Variants in HSCB observed in about 807,000 individuals in gnomAD.
The protein encoded by HSCB is HscB mitochondrial iron-sulfur cluster cochaperone, also known as iron-sulfur cluster co-chaperone protein HscB.
HSCB carries 23 observed loss-of-function variants against 31.3 expected under a neutral mutation model. That is an observed-to-expected ratio of 0.74 (90% CI 0.53 to 1.04). HSCB has a LOEUF of 1.04. HSCB is among the 50% of genes least tolerant of loss of function. The probability of loss-of-function intolerance (pLI) is 0.00; values close to 1 mark genes in which losing one functional copy is unlikely to be tolerated. For synonymous variants in HSCB, 110 were observed against 104.5 expected (o/e 1.05, Z -0.32); for missense variants, 297 against 288.1 (o/e 1.03, Z -0.22).
At chr22:28,755,700 A>C (rs186903388) in intron 5 of HSCB, among the ~76,000 whole-genome samples, 1 of 152,302 alleles carries the variant, frequency 6.6e-6, no homozygotes, top group Admixed American at 6.5e-5. Context: ...TGGTTATAAC[A>C]TATCTTCATT....
In HSCB at chr22:28,746,878, G is replaced by A. The variant is rs547114735; in HGVS notation, c.568+870G>A. On this transcript the variant is annotated intron_variant, in intron 4 of 5. Coordinates refer to ENST00000216027, the MANE Select transcript of HSCB (RefSeq NM_172002.5). ...CGTGCCACTGCATTATAGCCTGGAC[G>A]ACAGAGTGAGACTCCGTCTCAAAAA... is the stretch of plus-strand genomic sequence containing the variant. Among the ~76,000 whole-genome samples, 6 of 147,430 alleles carry A rather than the reference G, an allele frequency of 4.1e-5. No individual in the cohort carries two copies. The East Asian group carries it at 1.0e-3, about 26-fold the overall frequency.
chr22:28,750,945 C>CTTTTTTTTTTTTGTTTTTTTTT (rs2030190489), intron 4 of HSCB, among the ~76,000 whole-genome samples: 1 of 56,450 alleles, frequency 1.8e-5, no homozygotes, highest in African/African-American at 6.7e-5. Flanking sequence ...ATATCTTTGT[C>CTTTTTTTTTTTTGTTTTTTTTT]TTTTTTTTTT....
chr22:28,757,347 T>C lies in HSCB; in HGVS notation c.*178T>C. 3 of 440,014 alleles carry C rather than the reference T, an allele frequency of 6.8e-6. No individual in the cohort carries two copies. The highest frequency in any genetic ancestry group is 6.4e-5 in the South Asian group (3 of 46,540). 27.3% of individuals were successfully genotyped at this position (440,014 alleles called of 1,614,324 possible). A position where few individuals can be genotyped will look rare whatever the true frequency, so the allele number is the denominator to read the frequency against. On this transcript the variant is annotated 3_prime_UTR_variant, in exon 6 of 6. Coordinates refer to ENST00000216027, the MANE Select transcript of HSCB (RefSeq NM_172002.5). Reference sequence around the variant, plus strand: ...TGAAAATACAAAAATTAGCCGGGCATGGTGGCGCGTGCCTGTAATCCCAGC... The same window carrying C: ...TGAAAATACAAAAATTAGCCGGGCACGGTGGCGCGTGCCTGTAATCCCAGC...
At chr22:28,754,402 G>A (rs559403498) in intron 5 of HSCB, among the ~76,000 whole-genome samples, 3 of 152,160 alleles carry the variant, frequency 2.0e-5, no homozygotes, top group South Asian at 4.1e-4. Flanking sequence ...AGGCACGGTG[G>A]CTCCCACCTG....
Position 28,743,944 on chromosome 22 carries a change from T to G in HSCB, c.299T>G (p.Leu100Arg), listed in dbSNP as rs1335488552. 2 of 1,614,214 alleles carry G rather than the reference T, an allele frequency of 1.2e-6. No individual in the cohort carries two copies. Among genetic ancestry groups the G allele is most frequent in the East Asian group, 4.5e-5 (2 of 44,890 alleles). ...CACAGGTACCAGCAACTGCAGCGTC[T>G]TGTCCACCCAGATTTCTTCAGCCAG... ...LQHRYQQLQRLVHPDFFSQRS... is the reference protein window; with the variant it reads ...LQHRYQQLQRRVHPDFFSQRS... The change falls in exon 2 of 6, where the codon CTT (leucine) becomes CGT (arginine). Residue 100 changes from leucine to arginine, a missense_variant. By Grantham distance (102) the Leu-to-Arg change is moderately radical. Transcript: ENST00000216027.
At chr22:28,755,457 C>A (rs961833525) in intron 5 of HSCB, among the ~76,000 whole-genome samples, 2 of 151,950 alleles carry the variant, frequency 1.3e-5, no homozygotes, top group African/African-American at 2.4e-5. Context: ...GAAATACGAC[C>A]AAGGCCTTCC....
At position 28,742,327 on chromosome 22, in the gene HSCB, G is replaced by C; in HGVS notation, c.232G>C (p.Asp78His). 6.2e-7 allele frequency: 1 copy of C among 1,611,790 alleles called. No homozygotes were observed. Among genetic ancestry groups the C allele is most frequent in the Non-Finnish European group, 8.5e-7 (1 of 1,178,166 alleles). ...CACTCGAGACTACTTCAGCCTTATG[G>C]ACTGGTACGAGCGACGGTTTCGGGA... ...DPTRDYFSLM[D>H]CNRSFRVDTA... The change falls in exon 1 of 6, where the codon GAC becomes CAC. Residue 78 changes from aspartate to histidine, a missense_variant. Physicochemically the swap from Asp to His is moderately conservative, Grantham distance 81. Transcript: ENST00000216027.
chr22:28,743,939 G>A lies in HSCB; in HGVS notation c.294G>A (p.Gln98=), dbSNP rs375684511. 6.2e-7 allele frequency: 1 copy of A among 1,614,190 alleles called. No homozygotes were observed. Among genetic ancestry groups the A allele is most frequent in the Non-Finnish European group, 8.5e-7 (1 of 1,180,020 alleles). Residue 98 remains glutamine (Q), a synonymous_variant, in exon 2 of 6, where the codon CAG becomes CAA. Coordinates refer to ENST00000216027, the MANE Select transcript of HSCB (RefSeq NM_172002.5). ...TCCAGCACAGGTACCAGCAACTGCAGCGTCTTGTCCACCCAGATTTCTTCA... is the reference window on the plus strand; with the variant it reads ...TCCAGCACAGGTACCAGCAACTGCAACGTCTTGTCCACCCAGATTTCTTCA... ...AKLQHRYQQL[Q]RLVHPDFFSQ...
At chr22:28,742,525 AC>A (rs753440390) in intron 1 of HSCB, 194 bp downstream of exon 1, 1 of 976,706 alleles carries the variant, frequency 1.0e-6, no homozygotes. Flanking sequence ...GAGGGAAGCA[AC>A]GTTGAGGTGT....
chr22:28,746,155 TG>T, intron 4 of HSCB, 147 bp downstream of exon 4: 1 of 643,026 alleles, frequency 1.6e-6, no homozygotes, highest in South Asian at 2.3e-5. Flanking sequence ...CCAAGGCAAG[TG>T]GATCACCTGA....
In HSCB at chr22:28,743,997, C is replaced by G; in HGVS notation, c.333+19C>G. 6.5e-7 allele frequency: 1 copy of G among 1,527,934 alleles called. No homozygotes were observed. Among genetic ancestry groups the G allele is most frequent in the African/African-American group, 1.4e-5 (1 of 73,318 alleles). 94.6% of individuals were successfully genotyped at this position (1,527,934 alleles called of 1,614,324 possible). A position where few individuals can be genotyped will look rare whatever the true frequency, so the allele number is the denominator to read the frequency against. On this transcript the variant is annotated intron_variant, in intron 2 of 5. Transcript: ENST00000216027. ...GTCTCAGGTAGCTTATTGGCCAACC[C>G]CAATAATCCCCAAATATGTGTGCAC...
intron 3 of HSCB, chr22:28,745,610 C>T (rs2054672773): frequency 3.4e-6 from 1 of 295,150 alleles, no homozygotes; most frequent in African/African-American, 2.2e-5. Flanking sequence ...TTACAAACAT[C>T]TAGTTCAACC....
chr22:28,757,048 G>A, intron 5 of HSCB, 30 bp from the exon 6 acceptor site: 6 of 1,261,396 alleles, frequency 4.8e-6, no homozygotes. Flanking sequence ...TTGAAATGAA[G>A]CCTGACTTCA....
chr22:28,744,464 A>C, intron 2 of HSCB, 151 bp from the exon 3 acceptor site: 1 of 622,122 alleles, frequency 1.6e-6, no homozygotes, highest in Non-Finnish European at 2.9e-6. Context: ...AGGCAGGAGG[A>C]TCACTTGAAC....
intron 5 of HSCB, among the ~76,000 whole-genome samples, chr22:28,756,229 CAG>C (rs1311793479): frequency 6.8e-6 from 1 of 147,982 alleles, no homozygotes; most frequent in Non-Finnish European, 1.5e-5. Context: ...GCCTGGGCAA[CAG>C]AGTGAGGCTC....
chr22:28,745,855 C>T lies in HSCB; in HGVS notation c.424-9C>T. 3 of 1,596,362 alleles carry T rather than the reference C, an allele frequency of 1.9e-6. No homozygotes were observed. The highest frequency in any genetic ancestry group is 2.6e-6 in the Non-Finnish European group (3 of 1,174,200). On this transcript the variant is annotated splice_polypyrimidine_tract_variant and intron_variant, in intron 3 of 5. Transcript: ENST00000216027. ...TTCAACTTATTTTTCTTGCTTTCTA[C>T]CCCAATAGCTAAAGCTCCATGGAAT...
Position 28,742,111 on chromosome 22 carries a change from GCCGGGGCTTTGCT to G in HSCB, c.22_34del (p.Ala8CysfsTer15). 6.3e-7 allele frequency: 1 copy of G among 1,596,078 alleles called. No individual in the cohort carries two copies. ...CGCCGGCCAGATGTGGCGGGGGAGAGCCGGGGCTTTGCTCCGGGTGTGGGGGTTTTGGCCGACA... is the reference window on the plus strand; with the variant it reads ...CGCCGGCCAGATGTGGCGGGGGAGAGCCGGGTGTGGGGGTTTTGGCCGACA... On this transcript the variant is annotated frameshift_variant, in exon 1 of 6. Coordinates refer to ENST00000216027, the MANE Select transcript of HSCB (RefSeq NM_172002.5). LOFTEE classifies it high-confidence loss of function.
At chr22:28,756,276 G>A (rs925140371) in intron 5 of HSCB, among the ~76,000 whole-genome samples, 4 of 150,762 alleles carry the variant, frequency 2.7e-5, no homozygotes, top group East Asian at 3.9e-4. Context: ...GAAAATCACC[G>A]GTCTAAAGGT....
At chr22:28,757,054 C>T in intron 5 of HSCB, 24 bp from the exon 6 acceptor site, 2 of 1,331,108 alleles carry the variant, frequency 1.5e-6, no homozygotes, top group Non-Finnish European at 2.2e-6. Flanking sequence ...TGAAGCCTGA[C>T]TTCAGTGTCT....
Sources: gnomAD v4.1 joint callset for allele counts (sites outside exome capture counted in the v4.1 genomes callset) on GRCh38, gnomAD v4.1.1 for gene constraint, MANE v1.5 for transcripts, NCBI Gene and HGNC (gene_info 2026-07-23, HGNC 2026-07-21) for gene names.